Variants in SPMIP10 observed in about 807,000 individuals in gnomAD.
SPMIP10 encodes the protein sperm-associated microtubule inner protein 10.
At chr5:126,632,245 C>A in the SPMIP10 span, among the ~76,000 whole-genome samples, 1 of 92,186 alleles carries the variant, frequency 1.1e-5, no homozygotes, top group African/African-American at 6.4e-5. Flanking sequence ...CATGATAATG[C>A]ACTCCATCTC....
At chr5:126,633,034 A>ATATAG in the SPMIP10 span, among the ~76,000 whole-genome samples, 1 of 108,300 alleles carries the variant, frequency 9.2e-6, no homozygotes, top group Non-Finnish European at 1.6e-5. Flanking sequence ...TATATATATA[A>ATATAG]TTTAGTATGT....
At chr5:126,635,171 A>T in the SPMIP10 span, among the ~76,000 whole-genome samples, 31 of 140,166 alleles carry the variant, frequency 2.2e-4, no homozygotes, top group Non-Finnish European at 1.2e-4. Flanking sequence ...CCGTCTGTGA[A>T]ATATATATAT....
chr5:126,632,594 C>T, the SPMIP10 span: 3 of 1,612,364 alleles, frequency 1.9e-6, no homozygotes, highest in Non-Finnish European at 1.7e-6. Flanking sequence ...AAGGGATGAT[C>T]CCAAGACGTT....
chr5:126,635,986 A>G, the SPMIP10 span: 1 of 1,487,298 alleles, frequency 6.7e-7, no homozygotes, highest in South Asian at 1.2e-5. Flanking sequence ...ATCTAACAAG[A>G]AAATGATGTT....
At chr5:126,633,742 C>T in the SPMIP10 span, among the ~76,000 whole-genome samples, 2 of 152,178 alleles carry the variant, frequency 1.3e-5, no homozygotes, top group Admixed American at 6.5e-5. Flanking sequence ...CTCACTGCAG[C>T]TGCAGCAACC....
the SPMIP10 span, chr5:126,632,523 C>T: frequency 3.8e-3 from 5,102 of 1,334,554 alleles, 40 homozygotes; most frequent in African/African-American, 0.021. Flanking sequence ...CACAAGATGT[C>T]TTCTTGCTTT....
At chr5:126,636,014 G>C in the SPMIP10 span, 1 of 1,590,752 alleles carries the variant, frequency 6.3e-7, no homozygotes, top group South Asian at 1.1e-5. Flanking sequence ...ATACACAGAA[G>C]ATTTTCTTTT....
At chr5:126,631,808 A>G in the SPMIP10 span, 19 of 1,605,190 alleles carry the variant, frequency 1.2e-5, no homozygotes, top group African/African-American at 2.5e-4. Flanking sequence ...AGTCTCTATA[A>G]ATCTGCTAAT....
At chr5:126,632,232 G>A in the SPMIP10 span, among the ~76,000 whole-genome samples, 3 of 124,446 alleles carry the variant, frequency 2.4e-5, no homozygotes, top group African/African-American at 7.7e-5. Context: ...AACCCCAGCT[G>A]GGCATGATAA....
At chr5:126,631,885 T>TA in the SPMIP10 span, 10 of 967,970 alleles carry the variant, frequency 1.0e-5, no homozygotes, top group East Asian at 1.9e-4. Flanking sequence ...GCCACAAAGA[T>TA]ACGGTCAATA....
chr5:126,632,463 C>A, the SPMIP10 span: 2 of 788,056 alleles, frequency 2.5e-6, no homozygotes, highest in Non-Finnish European at 4.4e-6. Context: ...AACATGAATG[C>A]ACAACTGCCT....
At chr5:126,635,132 C>G in the SPMIP10 span, among the ~76,000 whole-genome samples, 2 of 150,666 alleles carry the variant, frequency 1.3e-5, no homozygotes, top group African/African-American at 4.9e-5. Context: ...TGCACCACTG[C>G]ACTCCAGCCT....
Sources: allele counts gnomAD v4.1 joint callset (sites outside exome capture counted in the v4.1 genomes callset), GRCh38; gene constraint gnomAD v4.1.1; transcripts MANE v1.5; gene names NCBI Gene and HGNC (gene_info 2026-07-23, HGNC 2026-07-21).